Variants in RPL28 observed in about 807,000 individuals in gnomAD.
RPL28 encodes ribosomal protein L28, also known as large ribosomal subunit protein eL28.
Under a neutral mutation model 12.5 loss-of-function variants are expected in RPL28, and 4 were observed. That is an observed-to-expected ratio of 0.32 (90% CI 0.16 to 0.73). The LOEUF (loss-of-function observed/expected upper bound fraction) is 0.73, where lower values mean the gene tolerates loss of function less well. RPL28 is among the 30% of genes least tolerant of loss of function. The pLI, the probability that RPL28 is intolerant of heterozygous loss-of-function variation, is 0.66. For missense variants in RPL28, 214 were observed against 197.7 expected, an observed-to-expected ratio of 1.08 and a Z score of -0.49; for synonymous variants, 91 against 72.5, an observed-to-expected ratio of 1.26 and a Z score of -1.30.
chr19:55,393,672 G>T (rs1385763985), downstream of RPL28, among the ~76,000 whole-genome samples: 5 of 136,304 alleles, frequency 3.7e-5, no homozygotes, highest in African/African-American at 5.7e-5. Flanking sequence ...TTGCTCTGTC[G>T]CCCTGGCTGG....
rs2089965299 is a variant in RPL28, at chr19:55,389,156, G to C, written c.*824G>C. 1.0e-6 allele frequency: 1 copy of C among 983,472 alleles called. No individual in the cohort carries two copies. The highest frequency in any genetic ancestry group is 1.2e-6 in the Non-Finnish European group (1 of 828,346). 60.9% of individuals were successfully genotyped at this position (983,472 alleles called of 1,614,324 possible). A position where few individuals can be genotyped will look rare whatever the true frequency, so the allele number is the denominator to read the frequency against. On this transcript the variant is annotated 3_prime_UTR_variant, in exon 5 of 5. Transcript: ENST00000344063. ...ACAGCTTGTGAGGCCAGGAGTTTGA[G>C]ACCATCCTAGGCAACATAATGAGAC...
chr19:55,402,976 A>G (rs1013693472), exon 5 of RPL28: 1 of 1,534,872 alleles, frequency 6.5e-7, no homozygotes. Flanking sequence ...GCAGGCTGTA[A>G]GCAGCCTGGA....
rs1465292597 is a variant in RPL28 at position 55,390,186 on chromosome 19, C to T, written c.*1854C>T. ...GTGCATATTGAATGTATAAAGCCCACCGGTCCTGAGAGTTTGCTCACTGGA... is the reference window on the plus strand; with the variant it reads ...GTGCATATTGAATGTATAAAGCCCATCGGTCCTGAGAGTTTGCTCACTGGA... On this transcript the variant is annotated 3_prime_UTR_variant, in exon 5 of 5. Coordinates refer to ENST00000344063, the MANE Select transcript of RPL28 (RefSeq NM_000991.5). The T allele has an allele frequency of 4.1e-6, 4 of 985,348 alleles. No homozygotes were observed. Among genetic ancestry groups the T allele is most frequent in the African/African-American group, 1.7e-5 (1 of 57,236 alleles). 61.0% of individuals were successfully genotyped at this position (985,348 alleles called of 1,614,324 possible).
chr19:55,389,567 C>T lies in RPL28; in HGVS notation c.*1235C>T, dbSNP rs909242914. On this transcript the variant is annotated 3_prime_UTR_variant, in exon 5 of 5. Transcript: ENST00000344063. ...GAGAGTAAGGGGACTGTCAGGGCCTCGACTTGCCATTGGTTGGGGTCGTAC... is the reference window on the plus strand; with the variant it reads ...GAGAGTAAGGGGACTGTCAGGGCCTTGACTTGCCATTGGTTGGGGTCGTAC... The T allele has an allele frequency of 1.6e-5, 16 of 985,340 alleles. No individual in the cohort carries two copies. Among genetic ancestry groups the T allele is most frequent in the Admixed American group, 6.2e-5 (1 of 16,258 alleles). The allele number at this position is 985,340 out of a possible 1,614,324, so 61.0% of individuals were successfully genotyped here.
At chr19:55,402,883 C>T in intron 4 of RPL28, 1 of 1,403,182 alleles carries the variant, frequency 7.1e-7, no homozygotes, top group Non-Finnish European at 9.6e-7. Flanking sequence ...AATTCCCCAC[C>T]CTCTCTGCCA....
At position 55,386,423 on chromosome 19, in the gene RPL28, G is replaced by A. The variant is rs747773615; in HGVS notation, c.66G>A (p.Lys22=). Residue 22 remains lysine (K), a synonymous_variant, in exon 2 of 5, where the codon AAG becomes AAA. Transcript: ENST00000344063. ...NCSSFLIKRN[K]QTYSTEPNNL... ...CCAGTTTCCTGATCAAGAGGAATAA[G>A]CAGACCTACAGCACTGTAAGTGGGG... 6.2e-7 allele frequency: 1 copy of A among 1,614,138 alleles called. No individual in the cohort carries two copies. Among genetic ancestry groups the A allele is most frequent in the South Asian group, 1.1e-5 (1 of 91,084 alleles).
At position 55,389,187 on chromosome 19, in the gene RPL28, C is replaced by A; in HGVS notation, c.*855C>A. On this transcript the variant is annotated 3_prime_UTR_variant, in exon 5 of 5. Transcript: ENST00000344063. ...CCTAGGCAACATAATGAGACACCGT[C>A]TCTAAAATAAAATTAGCTGGGTGTG... 1 of 970,382 alleles carries A rather than the reference C, an allele frequency of 1.0e-6. No homozygotes were observed. The highest frequency in any genetic ancestry group is 1.2e-6 in the Non-Finnish European group (1 of 816,256). The allele number at this position is 970,382 out of a possible 1,614,324, so 60.1% of individuals were successfully genotyped here.
intron 4 of RPL28, among the ~76,000 whole-genome samples, chr19:55,402,745 G>A (rs746694690): frequency 2.0e-5 from 3 of 152,118 alleles, no homozygotes; most frequent in African/African-American, 2.4e-5. Context: ...CCTGGAGCTC[G>A]GTGCCAATGT....
At chr19:55,395,665 A>G (rs146221167), downstream of RPL28, among the ~76,000 whole-genome samples, 18,319 of 146,288 alleles carry the variant, frequency 0.13, 1,218 homozygotes, top group Middle Eastern at 0.2. Context: ...GGATGGTCTC[A>G]ATCTCCTGAC....
chr19:55,402,773 G>GGC (rs1233549937), intron 4 of RPL28, among the ~76,000 whole-genome samples: 1 of 152,148 alleles, frequency 6.6e-6, no homozygotes, highest in Non-Finnish European at 1.5e-5. Flanking sequence ...AGCCTCCAAT[G>GGC]ACACCCCAGG....
intron 4 of RPL28, among the ~76,000 whole-genome samples, chr19:55,402,596 T>G (rs566911562): frequency 1.6e-4 from 25 of 152,294 alleles, no homozygotes; most frequent in African/African-American, 5.5e-4. Flanking sequence ...CAGCAGATGC[T>G]CAGCAGATAT....
At chr19:55,386,735 C>T (rs777182751) in intron 3 of RPL28, 42 bp downstream of exon 3, 5 of 1,612,064 alleles carry the variant, frequency 3.1e-6, no homozygotes, top group Middle Eastern at 1.7e-4. Context: ...GCCCCTTTCC[C>T]GGGTCTGGGA....
chr19:55,388,777 G>A lies in RPL28; in HGVS notation c.*445G>A, dbSNP rs755968653. ...AGACCTGGGGGACGACAGACATCAC[G>A]GGAGGAAGATGAGATGACTTTTGCA... On this transcript the variant is annotated 3_prime_UTR_variant, in exon 5 of 5. Coordinates refer to ENST00000344063, the MANE Select transcript of RPL28 (RefSeq NM_000991.5). 29 of 998,154 alleles carry A rather than the reference G, an allele frequency of 2.9e-5. No homozygotes were observed. Among genetic ancestry groups the A allele is most frequent in the South Asian group, 4.7e-5 (1 of 21,414 alleles). 61.8% of individuals were successfully genotyped at this position (998,154 alleles called of 1,614,324 possible).
At chr19:55,402,315 G>A (rs59955872) in intron 4 of RPL28, among the ~76,000 whole-genome samples, 84 of 152,330 alleles carry the variant, frequency 5.5e-4, no homozygotes, top group African/African-American at 1.9e-3. Context: ...TCAGACATCC[G>A]AAGTTCACAG....
At position 55,390,664 on chromosome 19, in the gene RPL28, G is replaced by T; in HGVS notation, c.*2332G>T. 1.0e-6 allele frequency: 1 copy of T among 985,460 alleles called. No individual in the cohort carries two copies. The highest frequency in any genetic ancestry group is 4.7e-5 in the South Asian group (1 of 21,282). The allele number at this position is 985,460 out of a possible 1,614,324, so 61.0% of individuals were successfully genotyped here. A position where few individuals can be genotyped will look rare whatever the true frequency, so the allele number is the denominator to read the frequency against. ...CTCCCCTGGTCTCATCCGTAACACA[G>T]CCCAGCTTAGTGGGCCTCTGTTCCT... On this transcript the variant is annotated 3_prime_UTR_variant, in exon 5 of 5. Transcript: ENST00000344063.
At position 55,386,428 on chromosome 19, in the gene RPL28, C is replaced by T. The variant is rs771624900; in HGVS notation, c.71C>T (p.Thr24Ile). The stretch of plus-strand genomic sequence containing the variant: ...TTCCTGATCAAGAGGAATAAGCAGA[C>T]CTACAGCACTGTAAGTGGGGCCCGG... The part of the protein sequence containing the change: ...SSFLIKRNKQ[T>I]YSTEPNNLKA... The change falls in exon 2 of 5, where the codon ACC becomes ATC. Residue 24 changes from threonine to isoleucine, a missense_variant. Coordinates refer to ENST00000344063, the MANE Select transcript of RPL28 (RefSeq NM_000991.5). 1.8e-5 allele frequency: 29 copies of T among 1,614,102 alleles called. No homozygotes were observed. Among genetic ancestry groups the T allele is most frequent in the East Asian group, 2.2e-5 (1 of 44,880 alleles).
chr19:55,386,661 A>G lies in RPL28; in HGVS notation c.173A>G (p.Lys58Arg). The part of the protein sequence containing the change: ...TVGVEPAADG[K>R]GVVVVIKRRS... ...GGCGTGGAGCCGGCAGCCGACGGCA[A>G]AGGTGTCGTGGTGGTCATTAAGCGG... Residue 58 changes from lysine to arginine, a missense_variant, in exon 3 of 5, where the codon AAA becomes AGA. Lys to Arg is a conservative substitution (Grantham distance 26). Transcript: ENST00000344063. 6.2e-7 allele frequency: 1 copy of G among 1,614,132 alleles called. No individual in the cohort carries two copies. Among genetic ancestry groups the G allele is most frequent in the Non-Finnish European group, 8.5e-7 (1 of 1,180,012 alleles).
rs531792859 is a variant in RPL28, at chr19:55,385,957, C to T, written c.-17C>T. 73 of 245,382 alleles carry T rather than the reference C, an allele frequency of 3.0e-4. 2 individuals carry two copies. The highest frequency in any genetic ancestry group is 2.5e-3 in the South Asian group (54 of 21,802). The allele number at this position is 245,382 out of a possible 1,614,324, so 15.2% of individuals were successfully genotyped here. ...CTCTTTCCGTCTCAGGTCGCCGCTG[C>T]GAAGGGAGGTGAGCGTTCGTCTTCC... is the stretch of plus-strand genomic sequence containing the variant. On this transcript the variant is annotated 5_prime_UTR_variant, in exon 1 of 5. Transcript: ENST00000344063.
At chr19:55,400,035 G>C (rs2090045791) in intron 4 of RPL28, 1 of 152,172 alleles carries the variant, frequency 6.6e-6, no homozygotes, top group Non-Finnish European at 1.5e-5. Context: ...ATTGTCACTG[G>C]AGGCAAGGGC....
Sources: gnomAD v4.1 joint callset for allele counts (sites outside exome capture counted in the v4.1 genomes callset) on GRCh38, gnomAD v4.1.1 for gene constraint, MANE v1.5 for transcripts, NCBI Gene and HGNC (gene_info 2026-07-23, HGNC 2026-07-21) for gene names.